AVEN: variants seen among roughly 807,000 people sequenced by gnomAD.
AVEN encodes cell death regulator Aven.
AVEN carries 41 observed loss-of-function variants against 38.1 expected under a neutral mutation model. That is an observed-to-expected ratio of 1.08 (90% CI 0.84 to 1.40). The LOEUF (loss-of-function observed/expected upper bound fraction) is 1.40, where lower values mean the gene tolerates loss of function less well. Ranked by LOEUF, AVEN falls within the 40% of genes most tolerant of loss-of-function variation. AVEN has a pLI of 0.00. For synonymous variants in AVEN, 206 were observed against 171.8 expected (o/e 1.20, Z -1.56); for missense variants, 605 against 438.8 (o/e 1.38, Z -3.38).
At chr15:33,957,868 G>T (rs1443404148) in intron 2 of AVEN, among the ~76,000 whole-genome samples, 2 of 152,176 alleles carry the variant, frequency 1.3e-5, no homozygotes, top group African/African-American at 4.8e-5. Flanking sequence ...CCTTTCTGGA[G>T]TGACAGTGGT....
At chr15:33,890,815 T>C (rs1891913250) in intron 2 of AVEN, among the ~76,000 whole-genome samples, 1 of 152,154 alleles carries the variant, frequency 6.6e-6, no homozygotes, top group South Asian at 2.1e-4. Flanking sequence ...ACATGACCAT[T>C]ACAAAGGTAA....
chr15:34,075,254 C>T (rs981524999), upstream of AVEN, among the ~76,000 whole-genome samples: 60 of 150,936 alleles, frequency 4.0e-4, 1 homozygote, highest in Non-Finnish European at 6.8e-4. Flanking sequence ...TTAATTTACT[C>T]ACAGTTCCGC....
chr15:33,872,673 G>C (rs548283529), intron 3 of AVEN, among the ~76,000 whole-genome samples: 1 of 152,118 alleles, frequency 6.6e-6, no homozygotes, highest in South Asian at 2.1e-4. Context: ...TATTGCCCAA[G>C]GAAGTCCTAC....
chr15:34,043,083 T>C (rs1276066120), upstream of AVEN, among the ~76,000 whole-genome samples: 2 of 151,846 alleles, frequency 1.3e-5, no homozygotes, highest in African/African-American at 4.8e-5. Flanking sequence ...CCGTCTCTAC[T>C]GAAAATACAA....
At chr15:33,948,009 T>C (rs1894571116) in intron 2 of AVEN, among the ~76,000 whole-genome samples, 1 of 152,168 alleles carries the variant, frequency 6.6e-6, no homozygotes, top group South Asian at 2.1e-4. Flanking sequence ...CTCAAGTATA[T>C]ATACAATTAG....
chr15:34,055,838 A>T (rs1900126844), intron 5 of AVEN, among the ~76,000 whole-genome samples: 2 of 152,088 alleles, frequency 1.3e-5, no homozygotes, highest in Admixed American at 1.3e-4. Context: ...ATAAACAAAT[A>T]AATAAAATGT....
Position 34,049,431 on chromosome 15 carries a change from T to G in AVEN, n.1637+13491A>C, listed in dbSNP as rs1305749284. On this transcript the variant is annotated intron_variant and non_coding_transcript_variant, in intron 5 of 11. Transcript: ENST00000675287. ...GCAATCACAAGTATCAAGAGCAGAATAGACCAGTGGAAAAAAGAATCGCAG... is the reference window on the plus strand; with the variant it reads ...GCAATCACAAGTATCAAGAGCAGAAGAGACCAGTGGAAAAAAGAATCGCAG... Among the ~76,000 whole-genome samples, 8 of 152,064 alleles carry G rather than the reference T, an allele frequency of 5.3e-5. No individual in the cohort carries two copies. In the South Asian group the frequency reaches 1.7e-3, roughly 32 times the overall value.
At chr15:34,054,270 C>G (rs1175528939) in intron 5 of AVEN, among the ~76,000 whole-genome samples, 2 of 152,158 alleles carry the variant, frequency 1.3e-5, no homozygotes, top group Non-Finnish European at 2.9e-5. Context: ...TACTGTGTGG[C>G]AATTCCTCAA....
At chr15:33,909,119 G>T (rs1021907001) in intron 2 of AVEN, among the ~76,000 whole-genome samples, 2 of 152,100 alleles carry the variant, frequency 1.3e-5, no homozygotes, top group Non-Finnish European at 2.9e-5. Flanking sequence ...TGGTGCTTGA[G>T]TTTCTTAGTG....
chr15:33,923,735 C>G (rs188506418), intron 2 of AVEN, among the ~76,000 whole-genome samples: 4 of 152,144 alleles, frequency 2.6e-5, no homozygotes, highest in African/African-American at 9.6e-5. Flanking sequence ...GGCCACACAG[C>G]AGGAGGTAAG....
chr15:33,878,417 A>G (rs2153037038), intron 2 of AVEN, among the ~76,000 whole-genome samples: 1 of 152,304 alleles, frequency 6.6e-6, no homozygotes, highest in Non-Finnish European at 1.5e-5. Context: ...AAATCACTTT[A>G]ACAGTGTTAA....
At chr15:34,073,272 G>GTC (rs1900666943) in intron 1 of AVEN, among the ~76,000 whole-genome samples, 3 of 143,338 alleles carry the variant, frequency 2.1e-5, no homozygotes, top group Non-Finnish European at 3.0e-5. Flanking sequence ...CGCCAGGATG[G>GTC]TCTCGATTTC....
chr15:34,016,659 G>C (rs1315231531), intron 1 of AVEN, among the ~76,000 whole-genome samples: 1 of 152,188 alleles, frequency 6.6e-6, no homozygotes, highest in African/African-American at 2.4e-5. Context: ...CTGCCTGCTT[G>C]TATGCTATGG....
intron 1 of AVEN, among the ~76,000 whole-genome samples, chr15:34,024,139 CCAGGCATTAGTCAGT>C (rs72122253): frequency 0.27 from 41,146 of 152,064 alleles, 7,253 homozygotes; most frequent in African/African-American, 0.48. Flanking sequence ...TGATACTATG[CCAGGCATTAGTCAGT>C]GTGCTTGGAT....
Position 33,875,933 on chromosome 15 carries a change from G to C in AVEN, c.508C>G (p.Pro170Ala), listed in dbSNP as rs772158926. ...CACAACTCTTATCTTACCTGTTTTG[G>C]ACAAGAAGCTTCACTATCCCATTCT... ...EKEWDSEASC[P>A]KQNSAFYVDS... Residue 170 changes from proline (P) to alanine (A), a missense_variant, in exon 3 of 6, where the codon CCA becomes GCA. Pro to Ala is a conservative substitution (Grantham distance 27). Coordinates refer to ENST00000306730, the MANE Select transcript of AVEN (RefSeq NM_020371.3). The C allele has an allele frequency of 6.2e-7, 1 of 1,613,532 alleles. No homozygotes were observed. Among genetic ancestry groups the C allele is most frequent in the Non-Finnish European group, 8.5e-7 (1 of 1,179,704 alleles).
chr15:33,929,143 G>A (rs1388335397), intron 2 of AVEN, among the ~76,000 whole-genome samples: 1 of 152,142 alleles, frequency 6.6e-6, no homozygotes, highest in Non-Finnish European at 1.5e-5. Flanking sequence ...AGAATGGGGT[G>A]CCTGACCTAG....
intron 5 of AVEN, among the ~76,000 whole-genome samples, chr15:34,050,612 A>C (rs1435936478): frequency 6.6e-6 from 1 of 152,240 alleles, no homozygotes; most frequent in Admixed American, 6.5e-5. Context: ...GACTCATCTC[A>C]TGTGTGAAGA....
At chr15:33,910,042 C>T (rs1395750506) in intron 2 of AVEN, among the ~76,000 whole-genome samples, 1 of 151,420 alleles carries the variant, frequency 6.6e-6, no homozygotes, top group African/African-American at 2.4e-5. Flanking sequence ...GCAGAAGAAT[C>T]ACTTGAACCC....
chr15:33,871,218 T>C lies in AVEN; in HGVS notation c.517-188A>G, dbSNP rs575559520. Among the ~76,000 whole-genome samples, 33 of 152,274 alleles carry C rather than the reference T, an allele frequency of 2.2e-4. No homozygotes were observed. In the South Asian group the frequency reaches 6.6e-3, roughly 31 times the overall value. On this transcript the variant is annotated intron_variant, in intron 3 of 5. Transcript: ENST00000306730. ...GATCAGTAAAACCAAAGCTACCTTCTTGAGCCACAGCTCACACTGTCAGAG... is the reference window on the plus strand; with the variant it reads ...GATCAGTAAAACCAAAGCTACCTTCCTGAGCCACAGCTCACACTGTCAGAG...
Sources: gnomAD v4.1 joint callset for allele counts (sites outside exome capture counted in the v4.1 genomes callset) on GRCh38, gnomAD v4.1.1 for gene constraint, MANE v1.5 for transcripts, NCBI Gene and HGNC (gene_info 2026-07-23, HGNC 2026-07-21) for gene names.